Variants in STK3 observed in about 807,000 individuals in gnomAD.
STK3 encodes serine/threonine-protein kinase 3.
STK3 carries 41 observed loss-of-function variants against 58.0 expected under a neutral mutation model. That is an observed-to-expected ratio of 0.71 (90% confidence interval 0.55 to 0.92). STK3 has a LOEUF of 0.92. STK3 is among the 40% of genes least tolerant of loss of function. The pLI is 0.00. For missense variants in STK3, 479 were observed against 602.7 expected, an observed-to-expected ratio of 0.79 and a Z score of 2.15; for synonymous variants, 170 against 191.0, an observed-to-expected ratio of 0.89 and a Z score of 0.91.
intron 6 of STK3, among the ~76,000 whole-genome samples, chr8:98,699,966 A>G (rs1057110117): frequency 5.2e-4 from 79 of 152,330 alleles, no homozygotes; most frequent in African/African-American, 1.7e-3. Flanking sequence ...CTGCCTCCAG[A>G]GGTGAAGCCT....
intron 6 of STK3, among the ~76,000 whole-genome samples, chr8:98,701,251 GGGAAGGAAGGAC>G (rs201292972): frequency 0.013 from 2,039 of 151,888 alleles, 28 homozygotes; most frequent in Admixed American, 0.032. Flanking sequence ...AAAAGAAAGA[GGGAAGGAAGGAC>G]GGAAGGAAGG....
chr8:98,801,044 G>A (rs1833514917), intron 1 of STK3, among the ~76,000 whole-genome samples: 1 of 152,240 alleles, frequency 6.6e-6, no homozygotes, highest in African/African-American at 2.4e-5. Flanking sequence ...GAAGCCAGCT[G>A]GGTTCCTGTG....
intron 10 of STK3, among the ~76,000 whole-genome samples, chr8:98,459,252 G>A (rs985826628): frequency 6.6e-6 from 1 of 152,202 alleles, no homozygotes; most frequent in Non-Finnish European, 1.5e-5. Context: ...TTTTGCCCCT[G>A]CCCTAGAGAT....
intron 10 of STK3, among the ~76,000 whole-genome samples, chr8:98,456,262 A>C (rs1819483156): frequency 6.6e-6 from 1 of 152,228 alleles, no homozygotes; most frequent in African/African-American, 2.4e-5. Flanking sequence ...CAAATGAGAA[A>C]AATACGCTGA....
chr8:98,763,179 A>C (rs1830737111), intron 3 of STK3, among the ~76,000 whole-genome samples: 1 of 152,198 alleles, frequency 6.6e-6, no homozygotes, highest in South Asian at 2.1e-4. Context: ...TGAAAACACT[A>C]AACTAGCTGA....
intron 1 of STK3, among the ~76,000 whole-genome samples, chr8:98,902,370 T>C (rs1838689915): frequency 6.6e-6 from 1 of 152,192 alleles, no homozygotes. Flanking sequence ...CTTTTGTAAC[T>C]TAACATTTCT....
chr8:98,897,739 T>C (rs773095591), intron 1 of STK3, among the ~76,000 whole-genome samples: 1 of 152,248 alleles, frequency 6.6e-6, no homozygotes, highest in Admixed American at 6.5e-5. Flanking sequence ...TATAAATGAC[T>C]GGAGGCTAAG....
At chr8:98,519,551 T>A (rs1312540653) in intron 10 of STK3, among the ~76,000 whole-genome samples, 1 of 152,172 alleles carries the variant, frequency 6.6e-6, no homozygotes, top group Non-Finnish European at 1.5e-5. Context: ...GGGTTGGTAC[T>A]TTCTCTGCCA....
chr8:98,930,493 A>G (rs1839967814), intron 1 of STK3, among the ~76,000 whole-genome samples: 1 of 152,150 alleles, frequency 6.6e-6, no homozygotes, highest in Non-Finnish European at 1.5e-5. Context: ...AAAGATTATA[A>G]CCTTCTATCA....
chr8:98,783,006 A>T (rs1217539330), intron 1 of STK3, among the ~76,000 whole-genome samples: 2 of 152,072 alleles, frequency 1.3e-5, no homozygotes, highest in African/African-American at 4.8e-5. Flanking sequence ...AAACACACAA[A>T]GAGAGAAAGA....
intron 6 of STK3, among the ~76,000 whole-genome samples, chr8:98,650,388 G>C (rs935096518): frequency 5.9e-5 from 9 of 152,252 alleles, no homozygotes; most frequent in African/African-American, 2.2e-4. Context: ...AACAACTCTG[G>C]TCTACAGCTC....
chr8:98,529,359 C>T (rs553409832), intron 9 of STK3, among the ~76,000 whole-genome samples: 10 of 152,150 alleles, frequency 6.6e-5, no homozygotes, highest in Admixed American at 6.5e-4. Flanking sequence ...TTTTGGATCT[C>T]TATGTGTGTT....
intron 10 of STK3, among the ~76,000 whole-genome samples, chr8:98,466,405 G>A (rs567529851): frequency 2.7e-4 from 41 of 152,284 alleles, no homozygotes; most frequent in African/African-American, 9.6e-4. Flanking sequence ...TAAATCTTGG[G>A]ATGATTTCAC....
chr8:98,911,091 A>G (rs1406237814), intron 1 of STK3, among the ~76,000 whole-genome samples: 1 of 152,230 alleles, frequency 6.6e-6, no homozygotes, highest in Non-Finnish European at 1.5e-5. Flanking sequence ...GTGAGGAAGA[A>G]CTAGGGTCTG....
At chr8:98,939,963 G>C (rs780630966) in intron 1 of STK3, among the ~76,000 whole-genome samples, 5 of 152,226 alleles carry the variant, frequency 3.3e-5, no homozygotes, top group African/African-American at 1.2e-4. Context: ...ACACTGAAGC[G>C]CTTGGTTCGA....
intron 10 of STK3, among the ~76,000 whole-genome samples, chr8:98,495,375 T>C (rs1426470160): frequency 1.3e-5 from 2 of 152,154 alleles, no homozygotes; most frequent in South Asian, 2.1e-4. Flanking sequence ...CTTTTTTTTT[T>C]CCTGAAAGTC....
At chr8:98,894,187 T>C (rs1167741840) in intron 1 of STK3, among the ~76,000 whole-genome samples, 1 of 152,174 alleles carries the variant, frequency 6.6e-6, no homozygotes, top group Non-Finnish European at 1.5e-5. Context: ...GGTGAACCAA[T>C]TCTACATACT....
chr8:98,516,967 C>T (rs1824974112), intron 10 of STK3, among the ~76,000 whole-genome samples: 1 of 151,906 alleles, frequency 6.6e-6, no homozygotes, highest in Non-Finnish European at 1.5e-5. Flanking sequence ...GATACTCTAA[C>T]CCAGGTTACT....
At chr8:98,547,859 A>G (rs1291816643) in intron 9 of STK3, 110 bp downstream of exon 9, 26 of 1,034,822 alleles carry the variant, frequency 2.5e-5, no homozygotes, top group Non-Finnish European at 3.2e-5. Context: ...AATCTAAGAA[A>G]CAAAATTTTC....
Sources: gnomAD v4.1 joint callset for allele counts (sites outside exome capture counted in the v4.1 genomes callset) on GRCh38, gnomAD v4.1.1 for gene constraint, MANE v1.5 for transcripts, NCBI Gene and HGNC (gene_info 2026-07-23, HGNC 2026-07-21) for gene names.